CABCOCO1: variants seen among roughly 807,000 people sequenced by gnomAD.
CABCOCO1 encodes the protein ciliary associated calcium binding coiled-coil 1, also known as ciliary-associated calcium-binding coiled-coil protein 1.
CABCOCO1 carries 28 observed loss-of-function variants against 35.7 expected under a neutral mutation model. The observed-to-expected ratio is 0.78, with a 90% confidence interval of 0.58 to 1.07. CABCOCO1 has a LOEUF of 1.07. CABCOCO1 is among the 50% of genes least tolerant of loss of function. CABCOCO1 has a pLI of 0.00. For missense variants in CABCOCO1, 326 were observed against 309.2 expected (o/e 1.05, Z -0.41); for synonymous variants, 95 against 100.1 (o/e 0.95, Z 0.30).
At chr10:61,694,226 T>G (rs575208394) in intron 5 of CABCOCO1, among the ~76,000 whole-genome samples, 10 of 149,312 alleles carry the variant, frequency 6.7e-5, no homozygotes, top group African/African-American at 2.5e-4. Context: ...AAAGGGAGAT[T>G]TGAAAATGTC....
chr10:61,700,150 T>C (rs1169474362), intron 5 of CABCOCO1, among the ~76,000 whole-genome samples: 1 of 152,066 alleles, frequency 6.6e-6, no homozygotes, highest in East Asian at 1.9e-4. Flanking sequence ...ATGGACCACC[T>C]TGGGAAATGT....
intron 7 of CABCOCO1, among the ~76,000 whole-genome samples, chr10:61,764,827 C>G (rs989293962): frequency 6.6e-6 from 1 of 152,008 alleles, no homozygotes; most frequent in Non-Finnish European, 1.5e-5. Flanking sequence ...ATTGTTGGCA[C>G]ACATACGATC....
chr10:61,764,670 C>G, intron 7 of CABCOCO1, among the ~76,000 whole-genome samples: 1 of 151,932 alleles, frequency 6.6e-6, no homozygotes, highest in Non-Finnish European at 1.5e-5. Flanking sequence ...CCTCTGTGAC[C>G]TGGAGGACCG....
chr10:61,706,899 C>T (rs1043082704), intron 5 of CABCOCO1, among the ~76,000 whole-genome samples: 16 of 152,108 alleles, frequency 1.1e-4, no homozygotes, highest in South Asian at 2.1e-4. Flanking sequence ...CCCAATCACC[C>T]GAGGGATAAT....
rs527683021 is a variant in CABCOCO1 at position 61,697,174 on chromosome 10, CATATT to C, written c.552+6558_552+6562del. 4.1e-4 allele frequency among the ~76,000 whole-genome samples: 63 copies of C among 152,138 alleles called. 1 individual carries two copies. In the East Asian group the frequency reaches 0.012, roughly 29 times the overall value. On this transcript the variant is annotated intron_variant, in intron 5 of 7. Transcript: ENST00000648843. The stretch of plus-strand genomic sequence containing the variant: ...TATCTTCTCTGTAGACATATGTACT[CATATT>C]ATATAAAGCTTTTCCTACCTGAATA...
intron 5 of CABCOCO1, among the ~76,000 whole-genome samples, chr10:61,710,279 T>C (rs1840701001): frequency 6.6e-6 from 1 of 150,726 alleles, no homozygotes; most frequent in Non-Finnish European, 1.5e-5. Flanking sequence ...TGTGTGTGTG[T>C]GTGTGTGTGT....
chr10:61,745,262 G>A lies in CABCOCO1; in HGVS notation c.553-14797G>A, dbSNP rs115303261. 4.4e-3 allele frequency among the ~76,000 whole-genome samples: 668 copies of A among 152,154 alleles called. 3 individuals are homozygous for A. Among genetic ancestry groups the A allele is most frequent in the African/African-American group, 0.015 (637 of 41,516 alleles). On this transcript the variant is annotated intron_variant, in intron 5 of 7. Transcript: ENST00000648843. The stretch of plus-strand genomic sequence containing the variant: ...ATATTTATCAGAAGTTAGCAATTAC[G>A]CTCAAATTCTTCCAGAGCCAAGTTT...
intron 5 of CABCOCO1, among the ~76,000 whole-genome samples, chr10:61,729,115 G>A (rs921988299): frequency 6.6e-6 from 1 of 152,080 alleles, no homozygotes; most frequent in Non-Finnish European, 1.5e-5. Context: ...AAATAGATAA[G>A]TATAAGACAT....
chr10:61,686,188 A>G lies in CABCOCO1; in HGVS notation c.479+3A>G, dbSNP rs372003064. ...ATCATTGATTACTTAAAAATCAGGT[A>G]TGGATTATTTTCAGTAACATTTATT... On this transcript the variant is annotated splice_donor_region_variant and intron_variant, in intron 4 of 7. Coordinates refer to ENST00000648843, the MANE Select transcript of CABCOCO1 (RefSeq NM_001366906.2). 29 of 1,553,852 alleles carry G rather than the reference A, an allele frequency of 1.9e-5. No homozygotes were observed. Among genetic ancestry groups the G allele is most frequent in the African/African-American group, 2.8e-5 (2 of 71,184 alleles).
rs1054477159 is a variant in CABCOCO1 at position 61,685,934 on chromosome 10, A to T, written c.335-107A>T. ...CAAGAGTTTTACCATTTATCCTCACAAATACTTAACAAAGTAAATTTTGGC... is the reference window on the plus strand; with the variant it reads ...CAAGAGTTTTACCATTTATCCTCACTAATACTTAACAAAGTAAATTTTGGC... On this transcript the variant is annotated intron_variant, in intron 3 of 7. Transcript: ENST00000648843. 8.4e-6 allele frequency: 8 copies of T among 953,206 alleles called. No homozygotes were observed. In the African/African-American group the frequency reaches 1.4e-4, roughly 17 times the overall value. 59.0% of individuals were successfully genotyped at this position (953,206 alleles called of 1,614,324 possible). A position where few individuals can be genotyped will look rare whatever the true frequency, so the allele number is the denominator to read the frequency against.
At chr10:61,697,506 A>G (rs1178078885) in intron 5 of CABCOCO1, among the ~76,000 whole-genome samples, 2 of 152,106 alleles carry the variant, frequency 1.3e-5, no homozygotes, top group African/African-American at 4.8e-5. Context: ...GTAGACATGT[A>G]TATGCATGTA....
chr10:61,670,756 G>A (rs766290583), intron 1 of CABCOCO1, among the ~76,000 whole-genome samples: 1 of 152,104 alleles, frequency 6.6e-6, no homozygotes, highest in Non-Finnish European at 1.5e-5. Context: ...AGCTGCTGCT[G>A]TCTTGCCTCT....
rs183680350 is a variant in CABCOCO1 at position 61,687,803 on chromosome 10, A to T, written c.479+1618A>T. On this transcript the variant is annotated intron_variant, in intron 4 of 7. Transcript: ENST00000648843. ...AAAGTAGTATTTAAGAAATTAGTCA[A>T]AGTAAATCACAGCAATTGTTGATGC... Among the ~76,000 whole-genome samples, 201 of 152,328 alleles carry T rather than the reference A, an allele frequency of 1.3e-3. 1 individual carries two copies. Among genetic ancestry groups the T allele is most frequent in the African/African-American group, 4.6e-3 (190 of 41,578 alleles).
intron 1 of CABCOCO1, among the ~76,000 whole-genome samples, chr10:61,663,871 T>TATG: frequency 6.6e-6 from 1 of 152,228 alleles, no homozygotes; most frequent in Middle Eastern, 3.4e-3. Flanking sequence ...TTACGATTGT[T>TATG]CCTAGGAAGT....
At chr10:61,750,558 A>G (rs1430006748) in intron 5 of CABCOCO1, among the ~76,000 whole-genome samples, 1 of 152,212 alleles carries the variant, frequency 6.6e-6, no homozygotes, top group African/African-American at 2.4e-5. Flanking sequence ...CCTGGGCAAC[A>G]GAGCAAGACT....
chr10:61,721,782 C>T (rs1841028212), intron 5 of CABCOCO1, among the ~76,000 whole-genome samples: 1 of 152,126 alleles, frequency 6.6e-6, no homozygotes, highest in Admixed American at 6.5e-5. Flanking sequence ...TGTCACAAGC[C>T]AGGTTTCCCA....
chr10:61,731,646 G>T (rs1841304487), intron 5 of CABCOCO1, among the ~76,000 whole-genome samples: 1 of 151,162 alleles, frequency 6.6e-6, no homozygotes, highest in South Asian at 2.1e-4. Context: ...GGAGCATTTT[G>T]CTTAACTAAA....
chr10:61,716,437 G>A (rs1442585213), intron 5 of CABCOCO1, among the ~76,000 whole-genome samples: 1 of 152,066 alleles, frequency 6.6e-6, no homozygotes, highest in Non-Finnish European at 1.5e-5. Flanking sequence ...TTTCAATGGG[G>A]GGAGTGACAG....
chr10:61,667,699 G>A (rs1839234156), intron 1 of CABCOCO1, among the ~76,000 whole-genome samples: 2 of 151,868 alleles, frequency 1.3e-5, no homozygotes, highest in Admixed American at 6.5e-5. Context: ...GAAAAAACTG[G>A]CTTTTACATA....
Sources: gnomAD v4.1 joint callset for allele counts (sites outside exome capture counted in the v4.1 genomes callset) on GRCh38, gnomAD v4.1.1 for gene constraint, MANE v1.5 for transcripts, NCBI Gene and HGNC (gene_info 2026-07-23, HGNC 2026-07-21) for gene names.